Variants in KIF3C observed in about 807,000 individuals in gnomAD.
The protein encoded by KIF3C is kinesin-like protein KIF3C.
KIF3C carries 12 observed loss-of-function variants against 67.7 expected under a neutral mutation model. The ratio of observed to expected loss-of-function variants is 0.18; its 90% CI spans 0.11 to 0.29. KIF3C has a LOEUF of 0.29. Among genes scored for constraint, KIF3C ranks in the 10% least tolerant of loss-of-function variants. The pLI, the probability that KIF3C is intolerant of heterozygous loss-of-function variation, is 1.00. For synonymous variants in KIF3C, 393 were observed against 426.2 expected (o/e 0.92, Z 0.96); for missense variants, 789 against 1,059.6 (o/e 0.74, Z 3.55).
chr2:25,940,650 C>CTTTTTTTTT lies in KIF3C; in HGVS notation c.2007-10596_2007-10588dup, dbSNP rs70950139. Among the ~76,000 whole-genome samples the CTTTTTTTTT allele has an allele frequency of 3.4e-4, 25 of 74,190 alleles. 1 individual carries two copies. Among genetic ancestry groups the CTTTTTTTTT allele is most frequent in the South Asian group, 5.8e-4 (1 of 1,728 alleles). The allele number at this position is 74,190 out of a possible 152,430, so 48.7% of individuals were successfully genotyped here. ...AGCAGGGGCTAGAATTCAGAATGTT[C>CTTTTTTTTT]TTTTTTTTTTTTTTTTTTTTTTTTG... On this transcript the variant is annotated intron_variant, in intron 5 of 7. Transcript: ENST00000264712.
chr2:25,971,047 C>T (rs1220312412), intron 1 of KIF3C, among the ~76,000 whole-genome samples: 2 of 148,448 alleles, frequency 1.3e-5, no homozygotes, highest in Non-Finnish European at 3.0e-5. Context: ...CCGAGGCGGG[C>T]GGATCACAAG....
At chr2:25,974,793 G>C (rs1393907740) in intron 1 of KIF3C, among the ~76,000 whole-genome samples, 1 of 152,064 alleles carries the variant, frequency 6.6e-6, no homozygotes. Context: ...TTGAGAGGCT[G>C]AGGCAGGTGG....
chr2:25,930,547 C>A (rs749191360), intron 5 of KIF3C, among the ~76,000 whole-genome samples: 1 of 151,678 alleles, frequency 6.6e-6, no homozygotes, highest in African/African-American at 2.4e-5. Flanking sequence ...TTTATTTTTT[C>A]TTTTTTTGAG....
Position 25,982,471 on chromosome 2 carries a change from C to T in KIF3C, c.-554G>A. The T allele has an allele frequency of 2.5e-6, 1 of 398,656 alleles. No individual in the cohort carries two copies. 24.7% of individuals were successfully genotyped at this position (398,656 alleles called of 1,614,324 possible). Reference sequence around the variant, plus strand: ...CCTCTGCCTCCGCCTTCCCCGCCGCCGCCACTGGAGAATGAGAGAGAAAAA... The same window carrying T: ...CCTCTGCCTCCGCCTTCCCCGCCGCTGCCACTGGAGAATGAGAGAGAAAAA... On this transcript the variant is annotated 5_prime_UTR_variant, in exon 1 of 8. Transcript: ENST00000264712.
In KIF3C at chr2:25,963,196, A is replaced by ATAT. The variant is rs1190713944; in HGVS notation, c.1546-6753_1546-6752insATA. 6.4e-3 allele frequency among the ~76,000 whole-genome samples: 278 copies of ATAT among 43,322 alleles called. 18 individuals carry two copies. Among genetic ancestry groups the ATAT allele is most frequent in the African/African-American group, 0.015 (111 of 7,418 alleles). The allele number at this position is 43,322 out of a possible 152,430, so 28.4% of individuals were successfully genotyped here. On this transcript the variant is annotated intron_variant, in intron 1 of 7. Coordinates refer to ENST00000264712, the MANE Select transcript of KIF3C (RefSeq NM_002254.8). ...TGTGTATATATATATATATATATATATTTTTTTTTTTTTTTTTTTTTTTTT... is the reference window on the plus strand; with the variant it reads ...TGTGTATATATATATATATATATATATATTTTTTTTTTTTTTTTTTTTTTTTTT...
intron 1 of KIF3C, among the ~76,000 whole-genome samples, chr2:25,959,901 T>A (rs1374942681): frequency 6.6e-6 from 1 of 152,146 alleles, no homozygotes; most frequent in Non-Finnish European, 1.5e-5. Flanking sequence ...GGACCATGGA[T>A]ACCTGATCCC....
At chr2:25,950,008 A>G (rs1389921228) in intron 5 of KIF3C, among the ~76,000 whole-genome samples, 1 of 151,056 alleles carries the variant, frequency 6.6e-6, no homozygotes. Flanking sequence ...CTCTTGCCTC[A>G]GCTTCCCCAG....
At chr2:25,979,054 C>T (rs1664488941) in intron 1 of KIF3C, among the ~76,000 whole-genome samples, 1 of 152,188 alleles carries the variant, frequency 6.6e-6, no homozygotes, top group African/African-American at 2.4e-5. Context: ...CTCCCAGTGG[C>T]TGTAGGCTGG....
At position 25,962,809 on chromosome 2, in the gene KIF3C, AAT is replaced by A. The variant is rs1300101137; in HGVS notation, c.1546-6367_1546-6366del. ...ATATAATATATATTATATAATATAT[AAT>A]ATATATAATATATAAAATATATAAA... On this transcript the variant is annotated intron_variant, in intron 1 of 7. Coordinates refer to ENST00000264712, the MANE Select transcript of KIF3C (RefSeq NM_002254.8). Among the ~76,000 whole-genome samples, 64 of 82,566 alleles carry A rather than the reference AAT, an allele frequency of 7.8e-4. 2 individuals carry two copies. The East Asian group carries it at 7.8e-3, about 10-fold the overall frequency. 54.2% of individuals were successfully genotyped at this position (82,566 alleles called of 152,430 possible). A position where few individuals can be genotyped will look rare whatever the true frequency, so the allele number is the denominator to read the frequency against.
intron 1 of KIF3C, among the ~76,000 whole-genome samples, chr2:25,959,789 C>T (rs543387603): frequency 8.9e-4 from 136 of 152,210 alleles, no homozygotes; most frequent in African/African-American, 3.1e-3. Flanking sequence ...TCAATCCACA[C>T]TCACTGTCAT....
chr2:25,946,485 C>T (rs111714596), intron 5 of KIF3C, among the ~76,000 whole-genome samples: 16,776 of 152,104 alleles, frequency 0.11, 1,190 homozygotes, highest in African/African-American at 0.18. Context: ...GTCAGGAGTT[C>T]GAGACCATCC....
chr2:25,955,259 C>T lies in KIF3C; in HGVS notation c.1770+282G>A, dbSNP rs970080358. ...ACTGTGACTCACTGGTGACACTGAA[C>T]GGGGTAATCACCCAGGACCATGAAG... On this transcript the variant is annotated intron_variant, in intron 3 of 7. Coordinates refer to ENST00000264712, the MANE Select transcript of KIF3C (RefSeq NM_002254.8). This position sits in a 1 kb window ranked among gnomAD's most constrained non-coding sequence, Gnocchi z 5.0. Among the ~76,000 whole-genome samples the T allele has an allele frequency of 1.4e-4, 22 of 152,272 alleles. No homozygotes were observed. The highest frequency in any genetic ancestry group is 1.9e-4 in the East Asian group (1 of 5,184).
At chr2:25,975,216 A>C (rs1340993237) in intron 1 of KIF3C, among the ~76,000 whole-genome samples, 2 of 151,856 alleles carry the variant, frequency 1.3e-5, no homozygotes, top group Non-Finnish European at 2.9e-5. Context: ...GCTGGAGTGC[A>C]ATGGTGCAAT....
Position 25,955,762 on chromosome 2 carries a change from T to A in KIF3C, c.1648-99A>T. ...GGCTCACTCTGCCTGTCTCGGGACC[T>A]GGCTTCACCATGGCCCATGGCCCAC... On this transcript the variant is annotated intron_variant, in intron 2 of 7. Transcript: ENST00000264712. This position sits in a 1 kb window ranked among gnomAD's most constrained non-coding sequence, Gnocchi z 5.0. 1 of 1,435,008 alleles carries A rather than the reference T, an allele frequency of 7.0e-7. No individual in the cohort carries two copies. The highest frequency in any genetic ancestry group is 2.3e-5 in the East Asian group (1 of 43,410). The allele number at this position is 1,435,008 out of a possible 1,614,324, so 88.9% of individuals were successfully genotyped here.
At chr2:25,963,182 A>G (rs1184621663) in intron 1 of KIF3C, among the ~76,000 whole-genome samples, 3 of 43,722 alleles carry the variant, frequency 6.9e-5, no homozygotes, top group South Asian at 1.2e-3. Context: ...GTGTATATAT[A>G]TATATATATA....
intron 5 of KIF3C, among the ~76,000 whole-genome samples, chr2:25,946,660 CCTGACGA>C (rs1663446686): frequency 6.6e-6 from 1 of 152,170 alleles, no homozygotes; most frequent in African/African-American, 2.4e-5. Flanking sequence ...TGCACTCCAG[CCTGACGA>C]CAGAGCTAGA....
At chr2:25,957,027 C>T (rs928600803) in intron 1 of KIF3C, among the ~76,000 whole-genome samples, 1 of 152,218 alleles carries the variant, frequency 6.6e-6, no homozygotes, top group African/African-American at 2.4e-5. Flanking sequence ...TGGTTCTACC[C>T]ACTTACCTCG....
At chr2:25,929,805 A>G (rs2149220417) in intron 6 of KIF3C, 150 bp downstream of exon 6, 1 of 623,170 alleles carries the variant, frequency 1.6e-6, no homozygotes, top group South Asian at 1.8e-5. Flanking sequence ...TAGTAGAGAC[A>G]GGGGTTCACC....
intron 5 of KIF3C, among the ~76,000 whole-genome samples, chr2:25,933,077 C>T (rs1274697174): frequency 2.6e-5 from 4 of 151,778 alleles, no homozygotes; most frequent in Admixed American, 2.6e-4. Context: ...ATGGTGAAAC[C>T]CCGTCTCTAG....
Sources: gnomAD v4.1 joint callset for allele counts (sites outside exome capture counted in the v4.1 genomes callset) on GRCh38, gnomAD v4.1.1 for gene constraint, Gnocchi (gnomAD v3.1) non-coding constraint, MANE v1.5 for transcripts, NCBI Gene and HGNC (gene_info 2026-07-23, HGNC 2026-07-21) for gene names.